Variants in PRDM2 observed in about 807,000 individuals in gnomAD.
PRDM2 encodes PR/SET domain 2.
PRDM2 carries 30 observed loss-of-function variants against 130.0 expected under a neutral mutation model. That is an observed-to-expected ratio of 0.23 (90% confidence interval 0.17 to 0.31). The LOEUF is 0.31. PRDM2 is among the 10% of genes least tolerant of loss of function. The probability of loss-of-function intolerance (pLI) is 1.00; values close to 1 mark genes in which losing one functional copy is unlikely to be tolerated. For synonymous variants in PRDM2, 871 were observed against 782.4 expected (o/e 1.11, Z -1.89); for missense variants, 2,011 against 2,108.4 (o/e 0.95, Z 0.90).
At chr1:13,819,989 G>C (rs775796322) in intron 9 of PRDM2, among the ~76,000 whole-genome samples, 7 of 152,198 alleles carry the variant, frequency 4.6e-5, no homozygotes, top group African/African-American at 9.7e-5. Flanking sequence ...CATAGCTCCA[G>C]ATTTATGAAA....
At chr1:13,816,901 G>A (rs1052951717) in intron 9 of PRDM2, among the ~76,000 whole-genome samples, 8 of 152,236 alleles carry the variant, frequency 5.3e-5, no homozygotes, top group Non-Finnish European at 1.2e-4. Context: ...TGTCAAATGT[G>A]CGAAGCACCT....
At position 13,778,762 on chromosome 1, in the gene PRDM2, C is replaced by T. The variant is rs1450795351; in HGVS notation, c.967C>T (p.Pro323Ser). 1.3e-5 allele frequency: 21 copies of T among 1,613,846 alleles called. No individual in the cohort carries two copies. The highest frequency in any genetic ancestry group is 1.7e-5 in the Non-Finnish European group (20 of 1,180,016). ...GAAGCCAGAAGATTTATTAGAGGAACCAAAAACAACTTCAGAAGAAACTCT... is the reference window on the plus strand; with the variant it reads ...GAAGCCAGAAGATTTATTAGAGGAATCAAAAACAACTTCAGAAGAAACTCT... ...DEKPEDLLEE[P>S]KTTSEETLED... Residue 323 changes from proline to serine, a missense_variant, in exon 8 of 10, where the codon CCA (proline) becomes TCA (serine). Transcript: ENST00000311066.
chr1:13,756,113 A>T (rs1643945160), intron 6 of PRDM2, among the ~76,000 whole-genome samples: 1 of 151,686 alleles, frequency 6.6e-6, no homozygotes, highest in Non-Finnish European at 1.5e-5. Context: ...ATACAAAAAA[A>T]TTAGCTGGGC....
At chr1:13,741,488 G>A (rs1643438154) in intron 4 of PRDM2, among the ~76,000 whole-genome samples, 1 of 152,148 alleles carries the variant, frequency 6.6e-6, no homozygotes, top group African/African-American at 2.4e-5. Flanking sequence ...TGAAGTCCCT[G>A]CCACCTCTGC....
At chr1:13,787,271 G>A (rs556295668) in intron 8 of PRDM2, 190 of 983,384 alleles carry the variant, frequency 1.9e-4, no homozygotes, top group Non-Finnish European at 2.1e-4. Context: ...CGCATCCCAG[G>A]CCTGTACAGA....
chr1:13,791,195 C>T (rs1356705402), intron 8 of PRDM2, among the ~76,000 whole-genome samples: 2 of 151,960 alleles, frequency 1.3e-5, no homozygotes, highest in Non-Finnish European at 2.9e-5. Context: ...CTTTTCCAAG[C>T]ATTAGTGAAC....
At chr1:13,775,625 C>T (rs1016847031) in intron 7 of PRDM2, among the ~76,000 whole-genome samples, 2 of 152,118 alleles carry the variant, frequency 1.3e-5, no homozygotes, top group African/African-American at 4.8e-5. Flanking sequence ...TGGGAAACAG[C>T]AAGGAGGCTA....
At chr1:13,783,047 C>G in intron 8 of PRDM2, 2 of 1,114,684 alleles carry the variant, frequency 1.8e-6, no homozygotes, top group Non-Finnish European at 2.5e-6. Context: ...CAAAGCAGTG[C>G]CACTTCTTTA....
At position 13,787,022 on chromosome 1, in the gene PRDM2, A is replaced by G. The variant is rs1282810214; in HGVS notation, c.5036+4191A>G. On this transcript the variant is annotated intron_variant, in intron 8 of 9. Transcript: ENST00000311066. The stretch of plus-strand genomic sequence containing the variant: ...AAATTAATTATAGACAGAGAGAGGC[A>G]TTTAGCTGATCTCTTACCCCTGGTA... The G allele has an allele frequency of 4.1e-6, 4 of 985,736 alleles. No homozygotes were observed. The African/African-American group carries it at 7.0e-5, about 17-fold the overall frequency. The allele number at this position is 985,736 out of a possible 1,614,324, so 61.1% of individuals were successfully genotyped here.
At chr1:13,702,164 C>T (rs1252175902) in intron 1 of PRDM2, among the ~76,000 whole-genome samples, 1 of 152,142 alleles carries the variant, frequency 6.6e-6, no homozygotes, top group African/African-American at 2.4e-5. Context: ...CCTTATTTTA[C>T]AGTTCATTCA....
At chr1:13,719,279 G>A (rs1642647490) in intron 2 of PRDM2, among the ~76,000 whole-genome samples, 2 of 152,164 alleles carry the variant, frequency 1.3e-5, no homozygotes, top group South Asian at 4.1e-4. Flanking sequence ...AAAATTCCAG[G>A]CAGAGTGAAC....
At chr1:13,700,979 G>A (rs1476249294) in intron 1 of PRDM2, among the ~76,000 whole-genome samples, 4 of 152,132 alleles carry the variant, frequency 2.6e-5, no homozygotes, top group Admixed American at 2.6e-4. Flanking sequence ...GAGACATGAA[G>A]TAAACCTAAC....
At chr1:13,817,749 C>T (rs1645280245) in intron 9 of PRDM2, among the ~76,000 whole-genome samples, 1 of 152,050 alleles carries the variant, frequency 6.6e-6, no homozygotes, top group African/African-American at 2.4e-5. Flanking sequence ...CCTGTAATCC[C>T]AGCACTTTGG....
intron 2 of PRDM2, among the ~76,000 whole-genome samples, chr1:13,729,807 A>T (rs1643044039): frequency 6.6e-6 from 1 of 152,198 alleles, no homozygotes; most frequent in African/African-American, 2.4e-5. Context: ...CTGTCTCTAG[A>T]TGCCCTCTCT....
intron 1 of PRDM2, among the ~76,000 whole-genome samples, chr1:13,705,898 C>T (rs1315587759): frequency 1.4e-5 from 2 of 147,874 alleles, no homozygotes; most frequent in African/African-American, 2.5e-5. Flanking sequence ...AGAAGAATCG[C>T]TTGAACCTGG....
chr1:13,798,655 C>T (rs76408683), intron 8 of PRDM2, among the ~76,000 whole-genome samples: 2,586 of 152,256 alleles, frequency 0.017, 80 homozygotes, highest in African/African-American at 0.059. Flanking sequence ...ACTATTCCTT[C>T]AGATTTCTAG....
chr1:13,778,897 A>C lies in PRDM2; in HGVS notation c.1102A>C (p.Lys368Gln). 6.2e-7 allele frequency: 1 copy of C among 1,614,244 alleles called. No individual in the cohort carries two copies. Among genetic ancestry groups the C allele is most frequent in the South Asian group, 1.1e-5 (1 of 91,086 alleles). The change falls in exon 8 of 10, where the codon AAG becomes CAG. Residue 368 changes from lysine (K) to glutamine (Q), a missense_variant. Transcript: ENST00000311066. ...GTTTCCGTGTCAACATTGTGAAAGG[A>C]AGTTTACAACCAAACAGGGGCTTGA... ...FMFPCQHCER[K>Q]FTTKQGLERH...
chr1:13,793,942 A>G (rs1421005186), intron 8 of PRDM2, among the ~76,000 whole-genome samples: 3 of 152,188 alleles, frequency 2.0e-5, no homozygotes, highest in Non-Finnish European at 1.5e-5. Context: ...AGCTCCAGAC[A>G]TTGATTCTCC....
chr1:13,737,979 C>T (rs1643322292), intron 4 of PRDM2, among the ~76,000 whole-genome samples: 1 of 151,964 alleles, frequency 6.6e-6, no homozygotes, highest in African/African-American at 2.4e-5. Flanking sequence ...GATCTTTCCA[C>T]AGGCAAGAAA....
Sources: allele counts gnomAD v4.1 joint callset (sites outside exome capture counted in the v4.1 genomes callset), GRCh38; gene constraint gnomAD v4.1.1; transcripts MANE v1.5; gene names NCBI Gene and HGNC (gene_info 2026-07-23, HGNC 2026-07-21).